KDM4C: variants seen among roughly 807,000 people sequenced by gnomAD.
The protein encoded by KDM4C is lysine-specific demethylase 4C.
A neutral mutation model predicts 129.3 loss-of-function variants in KDM4C; 81 were observed. That is an observed-to-expected ratio of 0.63 (90% CI 0.52 to 0.75). KDM4C has a LOEUF of 0.75. Ranked by LOEUF, KDM4C falls within the 30% of genes least tolerant of loss-of-function variation. The pLI, the probability that KDM4C is intolerant of heterozygous loss-of-function variation, is 0.00. For missense variants in KDM4C, 1,457 were observed against 1,304.0 expected (o/e 1.12, Z -1.81); for synonymous variants, 573 against 456.1 (o/e 1.26, Z -3.26).
intron 12 of KDM4C, among the ~76,000 whole-genome samples, chr9:6,991,046 A>C (rs762092996): frequency 5.9e-5 from 9 of 152,036 alleles, no homozygotes; most frequent in Non-Finnish European, 1.2e-4. Context: ...ACAATCATTT[A>C]CCATTCCTAG....
chr9:7,044,365 C>T (rs1829064724), intron 15 of KDM4C, among the ~76,000 whole-genome samples: 1 of 151,948 alleles, frequency 6.6e-6, no homozygotes, highest in Admixed American at 6.6e-5. Flanking sequence ...GATTCTAGCC[C>T]TCTGAGGCCA....
At chr9:6,880,643 T>A (rs981902509) in intron 6 of KDM4C, among the ~76,000 whole-genome samples, 17 of 152,166 alleles carry the variant, frequency 1.1e-4, no homozygotes, top group African/African-American at 3.9e-4. Flanking sequence ...TAAACTTACT[T>A]TACTGCAGGT....
chr9:6,934,537 C>CTTT (rs200273386), intron 8 of KDM4C, among the ~76,000 whole-genome samples: 1 of 149,108 alleles, frequency 6.7e-6, no homozygotes, highest in South Asian at 2.1e-4. Flanking sequence ...TATCCTCTCT[C>CTTT]TTTTTTTTTG....
chr9:6,968,184 A>G (rs1429561243), intron 8 of KDM4C, among the ~76,000 whole-genome samples: 1 of 152,212 alleles, frequency 6.6e-6, no homozygotes, highest in Non-Finnish European at 1.5e-5. Context: ...AAAACTAAAC[A>G]TGAATGAACA....
At chr9:6,757,734 G>A, upstream of KDM4C, 2 of 985,618 alleles carry the variant, frequency 2.0e-6, no homozygotes, top group Non-Finnish European at 2.4e-6. Context: ...TTCCGGGCAA[G>A]GTTCTGTGCA....
At chr9:6,823,551 T>G (rs1417364507) in intron 4 of KDM4C, among the ~76,000 whole-genome samples, 2 of 152,182 alleles carry the variant, frequency 1.3e-5, no homozygotes, top group East Asian at 3.8e-4. Context: ...GTTGGATGTT[T>G]CAGACCATTT....
At chr9:7,135,216 G>T (rs1442507706) in intron 19 of KDM4C, among the ~76,000 whole-genome samples, 1 of 151,656 alleles carries the variant, frequency 6.6e-6, no homozygotes, top group Non-Finnish European at 1.5e-5. Context: ...AGGAGATTCA[G>T]TAGTTGCCAC....
chr9:6,992,543 A>G (rs770183920), intron 12 of KDM4C, among the ~76,000 whole-genome samples: 1 of 152,214 alleles, frequency 6.6e-6, no homozygotes, highest in Non-Finnish European at 1.5e-5. Flanking sequence ...ACAAGCTTTC[A>G]AACTGGCAAC....
In KDM4C at chr9:6,986,363, A is replaced by G; in HGVS notation, c.1374A>G (p.Thr458=). The change falls in exon 11 of 22, where the codon ACA becomes ACG. Residue 458 remains threonine, a synonymous_variant. Coordinates refer to ENST00000381309, the MANE Select transcript of KDM4C (RefSeq NM_015061.6). ...IKLSGNSCLS[T]SVTEDIKTED... ...CCTCAGGAAACAGCTGCTTAAGTACATCTGTAACAGAAGACATAAAAACTG... is the reference window on the plus strand; with the variant it reads ...CCTCAGGAAACAGCTGCTTAAGTACGTCTGTAACAGAAGACATAAAAACTG... 1 of 1,611,006 alleles carries G rather than the reference A, an allele frequency of 6.2e-7. No individual in the cohort carries two copies. Among genetic ancestry groups the G allele is most frequent in the South Asian group, 1.1e-5 (1 of 90,910 alleles).
chr9:7,074,788 A>C (rs1564083302), intron 17 of KDM4C, among the ~76,000 whole-genome samples: 1 of 152,204 alleles, frequency 6.6e-6, no homozygotes, highest in Non-Finnish European at 1.5e-5. Flanking sequence ...GGGTATCACT[A>C]AGATAATGAG....
At chr9:7,073,100 G>GCTCA (rs1279186981) in intron 17 of KDM4C, among the ~76,000 whole-genome samples, 1 of 152,156 alleles carries the variant, frequency 6.6e-6, no homozygotes, top group Non-Finnish European at 1.5e-5. Flanking sequence ...TCCACCCCAT[G>GCTCA]CTCAGTGTTT....
In KDM4C at chr9:7,174,641, C is replaced by T. The variant is rs946052595; in HGVS notation, c.3083C>T (p.Ser1028Phe). 3.1e-6 allele frequency: 5 copies of T among 1,614,064 alleles called. No individual in the cohort carries two copies. Among genetic ancestry groups the T allele is most frequent in the Non-Finnish European group, 3.4e-6 (4 of 1,179,926 alleles). Residue 1028 changes from serine (S) to phenylalanine (F), a missense_variant, in exon 22 of 22, where the codon TCC becomes TTC. Coordinates refer to ENST00000381309, the MANE Select transcript of KDM4C (RefSeq NM_015061.6). ...AGAAAGAGACAAAGAGTGCTGAGCT[C>T]CAGGTTTAAGAATGAATATGTGGCC... ...GERKRQRVLS[S>F]RFKNEYVADP... is the part of the protein sequence containing the mutation.
Position 6,981,030 on chromosome 9 carries a change from A to G in KDM4C, c.1027A>G (p.Ile343Val). The G allele has an allele frequency of 6.2e-7, 1 of 1,613,934 alleles. No individual in the cohort carries two copies. Among genetic ancestry groups the G allele is most frequent in the Non-Finnish European group, 8.5e-7 (1 of 1,179,848 alleles). ...GAAACAAGGAAAGGATATATACACC[A>G]TTGATCACACGAAGCCTACTCCAGC... The part of the protein sequence containing the change: ...LWKQGKDIYT[I>V]DHTKPTPAST... The change falls in exon 9 of 22, where the codon ATT (isoleucine) becomes GTT (valine). Residue 343 changes from isoleucine (I) to valine (V), a missense_variant. Physicochemically the swap from Ile to Val is conservative, Grantham distance 29. Transcript: ENST00000381309.
intron 7 of KDM4C, among the ~76,000 whole-genome samples, chr9:6,888,839 G>C (rs909019710): frequency 6.9e-5 from 2 of 29,002 alleles, no homozygotes; most frequent in Admixed American, 5.1e-4. Flanking sequence ...CCAGGCTGGA[G>C]TGCAGTGGCG....
intron 21 of KDM4C, chr9:7,170,278 A>G: frequency 2.8e-6 from 3 of 1,077,028 alleles, no homozygotes; most frequent in Non-Finnish European, 3.4e-6. Flanking sequence ...GGGACTCGGC[A>G]TAATTGAATG....
At chr9:6,924,794 CT>C (rs573804390) in intron 8 of KDM4C, 16 of 977,870 alleles carry the variant, frequency 1.6e-5, no homozygotes, top group South Asian at 4.7e-5. Context: ...CCTGTATATT[CT>C]TTTTTTTGGT....
intron 5 of KDM4C, among the ~76,000 whole-genome samples, chr9:6,859,440 A>C (rs531714694): frequency 1.5e-5 from 2 of 132,516 alleles, no homozygotes; most frequent in African/African-American, 2.9e-5. Flanking sequence ...ACGCCACTGC[A>C]CTCCAGCCTG....
At chr9:7,112,614 A>G (rs568558349) in intron 18 of KDM4C, among the ~76,000 whole-genome samples, 6 of 152,234 alleles carry the variant, frequency 3.9e-5, no homozygotes, top group Non-Finnish European at 8.8e-5. Context: ...CAGTGTGCCC[A>G]TCTAATGCCA....
rs545526880 is a variant in KDM4C, at chr9:6,856,659, A to G, written c.629+6959A>G. 1.5e-4 allele frequency among the ~76,000 whole-genome samples: 23 copies of G among 149,778 alleles called. No individual in the cohort carries two copies. In the South Asian group the frequency reaches 4.3e-3, roughly 28 times the overall value. ...GCGATGATGGCTAACTGCAGCCACA[A>G]CCTCCTGGGCTCAAGTGATCCTCCC... is the stretch of plus-strand genomic sequence containing the variant. On this transcript the variant is annotated intron_variant, in intron 5 of 21. Coordinates refer to ENST00000381309, the MANE Select transcript of KDM4C (RefSeq NM_015061.6).
Sources: allele counts gnomAD v4.1 joint callset (sites outside exome capture counted in the v4.1 genomes callset), GRCh38; gene constraint gnomAD v4.1.1; transcripts MANE v1.5; gene names NCBI Gene and HGNC (gene_info 2026-07-23, HGNC 2026-07-21).